CREB5: variants seen among roughly 807,000 people sequenced by gnomAD.
CREB5 encodes the protein cAMP responsive element binding protein 5, also known as cyclic AMP-responsive element-binding protein 5.
Under a neutral mutation model 57.1 loss-of-function variants are expected in CREB5, and 19 were observed. The observed-to-expected ratio is 0.33, with a 90% CI of 0.23 to 0.49. The LOEUF (loss-of-function observed/expected upper bound fraction) is 0.49, where lower values mean the gene tolerates loss of function less well. Among genes scored for constraint, CREB5 ranks in the 20% least tolerant of loss-of-function variants. CREB5 has a pLI of 0.99. For missense variants in CREB5, 579 were observed against 671.6 expected, an observed-to-expected ratio of 0.86 and a Z score of 1.52; for synonymous variants, 238 against 238.3, an observed-to-expected ratio of 1.00 and a Z score of 0.01.
At chr7:28,735,961 C>A (rs572161679) in intron 7 of CREB5, among the ~76,000 whole-genome samples, 3 of 151,988 alleles carry the variant, frequency 2.0e-5, no homozygotes, top group African/African-American at 4.8e-5. Context: ...GACGCCACCA[C>A]GCCCAGCTAT....
intron 1 of CREB5, among the ~76,000 whole-genome samples, chr7:28,337,272 T>A (rs1399591968): frequency 6.6e-6 from 1 of 152,096 alleles, no homozygotes; most frequent in African/African-American, 2.4e-5. Flanking sequence ...GGATGATCTA[T>A]CTAATGTTGA....
At chr7:28,403,993 T>C (rs1000559712) in intron 1 of CREB5, among the ~76,000 whole-genome samples, 6 of 152,190 alleles carry the variant, frequency 3.9e-5, no homozygotes, top group Admixed American at 6.5e-5. Context: ...TCACTTAACT[T>C]GTATGTGAAA....
chr7:28,456,803 C>G (rs1187656897), intron 1 of CREB5, among the ~76,000 whole-genome samples: 1 of 152,228 alleles, frequency 6.6e-6, no homozygotes, highest in African/African-American at 2.4e-5. Flanking sequence ...TCTCTCTTTA[C>G]AGAATTGTGC....
chr7:28,569,230 T>G (rs1030151560), intron 4 of CREB5, among the ~76,000 whole-genome samples: 1 of 151,862 alleles, frequency 6.6e-6, no homozygotes, highest in Admixed American at 6.6e-5. Flanking sequence ...AGAGGTGTAA[T>G]CCTGGCTTAC....
rs1340886671 is a variant in CREB5 at position 28,724,286 on chromosome 7, C to G, written c.656C>G (p.Pro219Arg). The G allele has an allele frequency of 1.2e-6, 2 of 1,613,698 alleles. No individual in the cohort carries two copies. The highest frequency in any genetic ancestry group is 1.3e-5 in the African/African-American group (1 of 74,910). Residue 219 changes from proline to arginine, a missense_variant, in exon 7 of 11, where the codon CCC (proline) becomes CGC (arginine). Pro to Arg is a moderately radical substitution (Grantham distance 103). Coordinates refer to ENST00000357727, the MANE Select transcript of CREB5 (RefSeq NM_182898.4). Reference sequence around the variant, plus strand: ...ATGCAAGGTCCAAATCTCAGCAACCCCTGTGCTTCTCCCCAGGTCCAGCCA... The same window carrying G: ...ATGCAAGGTCCAAATCTCAGCAACCGCTGTGCTTCTCCCCAGGTCCAGCCA... ...MGMQGPNLSN[P>R]CASPQVQPMH...
At chr7:28,552,322 G>A (rs1473360132) in intron 4 of CREB5, among the ~76,000 whole-genome samples, 6 of 152,228 alleles carry the variant, frequency 3.9e-5, no homozygotes, top group Non-Finnish European at 7.3e-5. Flanking sequence ...ACAGGCATGA[G>A]TGAGCCACCA....
chr7:28,585,235 G>A (rs1033054305), intron 5 of CREB5, among the ~76,000 whole-genome samples: 6 of 152,188 alleles, frequency 3.9e-5, no homozygotes, highest in African/African-American at 1.2e-4. Context: ...GAGGTATGGG[G>A]GCTTTTCAAC....
intron 1 of CREB5, among the ~76,000 whole-genome samples, chr7:28,309,727 T>A (rs1785243527): frequency 6.6e-6 from 1 of 152,210 alleles, no homozygotes; most frequent in Non-Finnish European, 1.5e-5. Context: ...TTAGAAATGA[T>A]GTTTGGATTT....
chr7:28,357,499 T>C (rs923483566), intron 1 of CREB5, among the ~76,000 whole-genome samples: 1 of 152,216 alleles, frequency 6.6e-6, no homozygotes, highest in African/African-American at 2.4e-5. Flanking sequence ...TGGATAAGAA[T>C]TCTATTAATC....
intron 5 of CREB5, among the ~76,000 whole-genome samples, chr7:28,660,546 A>G (rs1414930425): frequency 6.6e-6 from 1 of 152,168 alleles, no homozygotes; most frequent in Non-Finnish European, 1.5e-5. Context: ...GGAAAATTAC[A>G]GACAGGGATA....
At chr7:28,445,866 C>T (rs915535155) in intron 1 of CREB5, among the ~76,000 whole-genome samples, 1 of 152,176 alleles carries the variant, frequency 6.6e-6, no homozygotes, top group African/African-American at 2.4e-5. Flanking sequence ...TTCTAACATA[C>T]TTGAGAGGGT....
chr7:28,592,129 C>G (rs1237148064), intron 5 of CREB5, among the ~76,000 whole-genome samples: 1 of 152,126 alleles, frequency 6.6e-6, no homozygotes, highest in African/African-American at 2.4e-5. Context: ...AAAGTTATAC[C>G]ACAAAGAAAT....
rs140603249 is a variant in CREB5, at chr7:28,333,198, C to T, written c.-25+33757C>T. Among the ~76,000 whole-genome samples, 98 of 152,254 alleles carry T rather than the reference C, an allele frequency of 6.4e-4. 1 individual carries two copies. The highest frequency in any genetic ancestry group is 2.3e-3 in the African/African-American group (95 of 41,568). ...GATTTTTACGTAACTGTAATCTAACCTTCAGCATGGTCTTTTTTCTACTTT... is the reference window on the plus strand; with the variant it reads ...GATTTTTACGTAACTGTAATCTAACTTTCAGCATGGTCTTTTTTCTACTTT... On this transcript the variant is annotated intron_variant, in intron 1 of 9. Coordinates refer to the CREB5 transcript ENST00000396299.
intron 7 of CREB5, among the ~76,000 whole-genome samples, chr7:28,792,238 A>T (rs1369974123): frequency 6.6e-6 from 1 of 151,944 alleles, no homozygotes; most frequent in African/African-American, 2.4e-5. Context: ...TGGGAGGTGG[A>T]GGTTGCAGTG....
At position 28,603,769 on chromosome 7, in the gene CREB5, A is replaced by T. The variant is rs190878877; in HGVS notation, c.464+33232A>T. On this transcript the variant is annotated intron_variant, in intron 5 of 10. Coordinates refer to ENST00000357727, the MANE Select transcript of CREB5 (RefSeq NM_182898.4). The stretch of plus-strand genomic sequence containing the variant: ...TAGTCCGTTAGTTGGTTGGTAAGTT[A>T]TAGCCAGTGGTGCTTTTAGTTTAGA... Among the ~76,000 whole-genome samples, 3 of 152,324 alleles carry T rather than the reference A, an allele frequency of 2.0e-5. No homozygotes were observed. The East Asian group carries it at 5.8e-4, about 29-fold the overall frequency.
intron 1 of CREB5, among the ~76,000 whole-genome samples, chr7:28,467,691 A>C (rs1230286288): frequency 2.0e-5 from 3 of 152,190 alleles, no homozygotes; most frequent in Non-Finnish European, 4.4e-5. Flanking sequence ...GCTACCATGC[A>C]AATGTAAATG....
At chr7:28,645,460 TG>T (rs1798855933) in intron 5 of CREB5, among the ~76,000 whole-genome samples, 1 of 152,194 alleles carries the variant, frequency 6.6e-6, no homozygotes, top group Admixed American at 6.5e-5. Flanking sequence ...CCCAATAGGG[TG>T]ATTTTGCTGA....
At chr7:28,639,969 T>G (rs1798582996) in intron 5 of CREB5, among the ~76,000 whole-genome samples, 1 of 152,172 alleles carries the variant, frequency 6.6e-6, no homozygotes, top group Non-Finnish European at 1.5e-5. Context: ...AAGTACTCCC[T>G]TAGTGTATGA....
At chr7:28,562,598 T>C (rs936525641) in intron 4 of CREB5, among the ~76,000 whole-genome samples, 2 of 152,194 alleles carry the variant, frequency 1.3e-5, no homozygotes, top group Non-Finnish European at 2.9e-5. Flanking sequence ...GATGATTATA[T>C]CAGTGTGCAA....
Sources: allele counts gnomAD v4.1 joint callset (sites outside exome capture counted in the v4.1 genomes callset), GRCh38; gene constraint gnomAD v4.1.1; transcripts MANE v1.5; gene names NCBI Gene and HGNC (gene_info 2026-07-23, HGNC 2026-07-21).